Variants in VMP1 observed in about 807,000 individuals in gnomAD.
VMP1 encodes ectopic P-granules autophagy protein 3 homolog.
A neutral mutation model predicts 56.0 loss-of-function variants in VMP1; 11 were observed. The observed-to-expected ratio is 0.20, with a 90% CI of 0.12 to 0.32. VMP1 has a LOEUF of 0.32. Ranked by LOEUF, VMP1 falls within the 10% of genes least tolerant of loss-of-function variation. The pLI is 1.00. For missense variants in VMP1, 296 were observed against 490.3 expected (o/e 0.60, Z 3.74); for synonymous variants, 149 against 165.0 (o/e 0.90, Z 0.74).
intron 7 of VMP1, among the ~76,000 whole-genome samples, chr17:59,788,332 C>A (rs941041631): frequency 6.6e-6 from 1 of 151,302 alleles, no homozygotes; most frequent in Non-Finnish European, 1.5e-5. Flanking sequence ...ACTAAAAATA[C>A]AAAAATTACT....
chr17:59,727,755 T>C (rs995473120), intron 1 of VMP1, among the ~76,000 whole-genome samples: 2 of 152,230 alleles, frequency 1.3e-5, no homozygotes, highest in African/African-American at 4.8e-5. Flanking sequence ...ACTCTTTTGA[T>C]GTATTGGTAT....
At chr17:59,751,606 G>T (rs1313163746) in intron 5 of VMP1, among the ~76,000 whole-genome samples, 1 of 128,384 alleles carries the variant, frequency 7.8e-6, no homozygotes, top group Non-Finnish European at 1.6e-5. Context: ...GCTGGGCGTG[G>T]TGGGGGGGGC....
chr17:59,772,947 A>ATTTTTTTTTTTTTTTTTTTTT (rs1488990377), intron 6 of VMP1, among the ~76,000 whole-genome samples: 2 of 70,590 alleles, frequency 2.8e-5, no homozygotes, highest in African/African-American at 5.4e-5. Flanking sequence ...ATACTGGTGA[A>ATTTTTTTTTTTTTTTTTTTTT]TTCTTTTTTT....
intron 5 of VMP1, among the ~76,000 whole-genome samples, chr17:59,752,936 A>G (rs191895324): frequency 9.8e-5 from 15 of 152,338 alleles, no homozygotes; most frequent in African/African-American, 2.9e-4. Context: ...ATACTATAAC[A>G]ACATATTGTA....
chr17:59,794,219 C>CTT (rs574035691), intron 7 of VMP1, among the ~76,000 whole-genome samples: 2,474 of 64,644 alleles, frequency 0.038, 239 homozygotes, highest in African/African-American at 0.14. Context: ...CGCACCCGGC[C>CTT]TTTTTTTTTT....
intron 2 of VMP1, among the ~76,000 whole-genome samples, chr17:59,734,778 G>C (rs1423708821): frequency 6.6e-6 from 1 of 151,740 alleles, no homozygotes; most frequent in Admixed American, 6.6e-5. Context: ...CTTATGAATT[G>C]CTTATTTTCA....
intron 5 of VMP1, among the ~76,000 whole-genome samples, chr17:59,759,910 T>TTG (rs2035983698): frequency 7.2e-6 from 1 of 139,466 alleles, no homozygotes; most frequent in African/African-American, 2.8e-5. Flanking sequence ...GGTGTTTTTT[T>TTG]TTTTTTTTTT....
At chr17:59,732,822 G>A (rs1223669017) in intron 2 of VMP1, among the ~76,000 whole-genome samples, 1 of 152,060 alleles carries the variant, frequency 6.6e-6, no homozygotes, top group Non-Finnish European at 1.5e-5. Context: ...TTACTCTTCT[G>A]TACCAGGTGT....
chr17:59,787,681 G>T (rs2144102088), intron 7 of VMP1, among the ~76,000 whole-genome samples: 1 of 152,192 alleles, frequency 6.6e-6, no homozygotes, highest in South Asian at 2.1e-4. Flanking sequence ...AATTAGTGGG[G>T]CATGGTGGCA....
chr17:59,737,747 G>A (rs1413866334), intron 4 of VMP1, among the ~76,000 whole-genome samples: 1 of 151,794 alleles, frequency 6.6e-6, no homozygotes, highest in Non-Finnish European at 1.5e-5. Flanking sequence ...TATATGTGGT[G>A]TGTGTGATTC....
chr17:59,801,080 G>GA (rs571996545), intron 7 of VMP1, among the ~76,000 whole-genome samples: 2,064 of 65,708 alleles, frequency 0.031, 62 homozygotes, highest in Middle Eastern at 0.04. Context: ...ACTCCATCTC[G>GA]AAAAAAAAAA....
At chr17:59,750,350 G>A (rs1407313077) in intron 5 of VMP1, among the ~76,000 whole-genome samples, 1 of 147,856 alleles carries the variant, frequency 6.8e-6, no homozygotes, top group Non-Finnish European at 1.5e-5. Flanking sequence ...TGCCCAGGCT[G>A]TAGTGCAGTG....
chr17:59,741,213 A>G (rs549811714), intron 5 of VMP1, among the ~76,000 whole-genome samples: 1 of 152,240 alleles, frequency 6.6e-6, no homozygotes, highest in Non-Finnish European at 1.5e-5. Flanking sequence ...AATTATTTTA[A>G]ATGCCCTAAA....
intron 10 of VMP1, among the ~76,000 whole-genome samples, chr17:59,825,473 A>G (rs767333634): frequency 6.6e-6 from 1 of 152,128 alleles, no homozygotes; most frequent in Non-Finnish European, 1.5e-5. Flanking sequence ...GCATAACCAA[A>G]TCTAACTTTT....
intron 5 of VMP1, among the ~76,000 whole-genome samples, chr17:59,758,947 G>A (rs564162474): frequency 6.6e-5 from 10 of 151,954 alleles, no homozygotes; most frequent in Middle Eastern, 3.4e-3. Flanking sequence ...TTAGCCAGGC[G>A]TGGTGGTGTA....
intron 10 of VMP1, among the ~76,000 whole-genome samples, chr17:59,829,461 A>G (rs1351657516): frequency 4.6e-5 from 7 of 152,306 alleles, no homozygotes; most frequent in African/African-American, 1.4e-4. Flanking sequence ...TCTGAGGTCC[A>G]TTCTGAGTCA....
chr17:59,768,779 A>G (rs2036324084), intron 6 of VMP1, among the ~76,000 whole-genome samples: 1 of 152,054 alleles, frequency 6.6e-6, no homozygotes, highest in African/African-American at 2.4e-5. Flanking sequence ...TCAGAAGTTC[A>G]AGACCAGCCT....
intron 7 of VMP1, among the ~76,000 whole-genome samples, chr17:59,776,747 G>A (rs2036631036): frequency 6.6e-6 from 1 of 152,126 alleles, no homozygotes; most frequent in Non-Finnish European, 1.5e-5. Flanking sequence ...ACTAATGTAT[G>A]TCATTTAACA....
intron 5 of VMP1, among the ~76,000 whole-genome samples, chr17:59,756,504 T>A (rs2035846701): frequency 6.6e-6 from 1 of 152,244 alleles, no homozygotes. Context: ...AAATTTTGCC[T>A]TTGGGATCTC....
Sources: gnomAD v4.1 joint callset for allele counts (sites outside exome capture counted in the v4.1 genomes callset) on GRCh38, gnomAD v4.1.1 for gene constraint, MANE v1.5 for transcripts, NCBI Gene and HGNC (gene_info 2026-07-23, HGNC 2026-07-21) for gene names.